The following RBFOX1 variants were observed in gnomAD, a reference collection of about 807,000 sequenced individuals.
RBFOX1 encodes the protein RNA binding fox-1 homolog 1, also known as RNA binding protein fox-1 homolog 1.
In RBFOX1, 8 loss-of-function variants were observed where a neutral mutation model predicts 57.7. That is an observed-to-expected ratio of 0.14 (90% CI 0.08 to 0.25). The LOEUF (loss-of-function observed/expected upper bound fraction) is 0.25, where lower values mean the gene tolerates loss of function less well. Ranked by LOEUF, RBFOX1 falls within the 10% of genes least tolerant of loss-of-function variation. RBFOX1 has a pLI of 1.00. For missense variants in RBFOX1, 611 were observed against 548.5 expected (o/e 1.11, Z -1.14); for synonymous variants, 326 against 222.4 (o/e 1.47, Z -4.15).
intron 2 of RBFOX1, among the ~76,000 whole-genome samples, chr16:6,371,853 A>G (rs1600229892): frequency 6.6e-6 from 1 of 152,246 alleles, no homozygotes; most frequent in East Asian, 1.9e-4. Flanking sequence ...TATCTAGGTT[A>G]AAATTTCCCT....
chr16:5,671,472 A>T (rs2050010357), intron 3 of RBFOX1, among the ~76,000 whole-genome samples: 1 of 152,224 alleles, frequency 6.6e-6, no homozygotes, highest in African/African-American at 2.4e-5. Context: ...TTTTTAGTGT[A>T]TGCGGTGCAT....
chr16:6,998,135 A>G (rs977949361), intron 3 of RBFOX1, among the ~76,000 whole-genome samples: 3 of 152,118 alleles, frequency 2.0e-5, no homozygotes, highest in African/African-American at 4.8e-5. Context: ...ATAATTATCT[A>G]TTTATTTATT....
chr16:6,918,434 A>G (rs56257619), intron 3 of RBFOX1, among the ~76,000 whole-genome samples: 35,696 of 152,122 alleles, frequency 0.23, 4,461 homozygotes, highest in Middle Eastern at 0.31. Context: ...AGCTATAGGA[A>G]GACTTCATAC....
intron 1 of RBFOX1, among the ~76,000 whole-genome samples, chr16:6,031,125 A>G (rs2095282584): frequency 6.6e-6 from 1 of 152,352 alleles, no homozygotes; most frequent in African/African-American, 2.4e-5. Flanking sequence ...CATCAGGGAA[A>G]TGTCTCCAAG....
chr16:6,808,178 G>GTA (rs71145298), intron 3 of RBFOX1, among the ~76,000 whole-genome samples: 6,069 of 145,378 alleles, frequency 0.042, 232 homozygotes, highest in Admixed American at 0.12. Context: ...GTGTGTGTGT[G>GTA]TATATATATA....
At chr16:6,476,964 C>A (rs538141633) in intron 2 of RBFOX1, among the ~76,000 whole-genome samples, 95 of 152,258 alleles carry the variant, frequency 6.2e-4, no homozygotes, top group Non-Finnish European at 1.0e-3. Context: ...ACCACTTTTT[C>A]TGCTGATCCA....
intron 2 of RBFOX1, among the ~76,000 whole-genome samples, chr16:6,582,091 G>T (rs1031634834): frequency 6.6e-6 from 1 of 152,070 alleles, no homozygotes; most frequent in East Asian, 1.9e-4. Context: ...AAGAATTATT[G>T]GGTTCAAAAT....
At chr16:7,683,850 A>AC (rs1491566469) in intron 14 of RBFOX1, among the ~76,000 whole-genome samples, 18 of 151,742 alleles carry the variant, frequency 1.2e-4, no homozygotes, top group East Asian at 7.8e-4. Flanking sequence ...CTAAAAAAAA[A>AC]CCTGCATTCT....
At chr16:7,698,050 C>G (rs549153027) in intron 14 of RBFOX1, among the ~76,000 whole-genome samples, 5 of 152,132 alleles carry the variant, frequency 3.3e-5, no homozygotes, top group African/African-American at 1.2e-4. Context: ...TTAAACAGGC[C>G]AAGTGTGTTC....
At chr16:7,090,721 C>T (rs774349679) in intron 4 of RBFOX1, among the ~76,000 whole-genome samples, 1 of 152,128 alleles carries the variant, frequency 6.6e-6, no homozygotes, top group African/African-American at 2.4e-5. Flanking sequence ...GGCTGACTTC[C>T]GGGCGGTTTT....
intron 1 of RBFOX1, among the ~76,000 whole-genome samples, chr16:6,200,656 C>G (rs1297213528): frequency 6.6e-6 from 1 of 152,112 alleles, no homozygotes; most frequent in Non-Finnish European, 1.5e-5. Context: ...TACATAAATA[C>G]TACAGGAGAG....
chr16:6,686,584 C>T (rs1352583095), intron 3 of RBFOX1, among the ~76,000 whole-genome samples: 2 of 152,148 alleles, frequency 1.3e-5, no homozygotes, highest in African/African-American at 4.8e-5. Context: ...ACACATTCTT[C>T]AATAGGGGTG....
At chr16:7,351,247 T>A (rs2097125163) in intron 4 of RBFOX1, among the ~76,000 whole-genome samples, 1 of 152,256 alleles carries the variant, frequency 6.6e-6, no homozygotes, top group Admixed American at 6.5e-5. Context: ...TTTACCTCTC[T>A]GAGCCTCAGT....
intron 10 of RBFOX1, among the ~76,000 whole-genome samples, chr16:7,623,111 G>C (rs1391703469): frequency 6.6e-6 from 1 of 152,042 alleles, no homozygotes; most frequent in South Asian, 2.1e-4. Context: ...ACTTTGTAGG[G>C]GACTCTCATT....
chr16:5,747,736 A>G (rs901275275), intron 3 of RBFOX1, among the ~76,000 whole-genome samples: 7 of 151,998 alleles, frequency 4.6e-5, no homozygotes, highest in African/African-American at 1.7e-4. Flanking sequence ...CTTTATCATT[A>G]TTTATTGTGT....
intron 2 of RBFOX1, among the ~76,000 whole-genome samples, chr16:6,584,338 TTCA>T (rs1212317248): frequency 5.1e-5 from 6 of 118,130 alleles, no homozygotes; most frequent in Non-Finnish European, 8.4e-5. Flanking sequence ...GTGTTTTATT[TTCA>T]TTATTATTAT....
intron 2 of RBFOX1, among the ~76,000 whole-genome samples, chr16:6,594,183 G>C (rs1392751698): frequency 6.6e-6 from 1 of 152,198 alleles, no homozygotes; most frequent in South Asian, 2.1e-4. Context: ...TGTCTAGTAA[G>C]AGTGTGAAGT....
intron 2 of RBFOX1, among the ~76,000 whole-genome samples, chr16:6,632,916 G>T (rs1313489761): frequency 6.6e-6 from 1 of 152,174 alleles, no homozygotes; most frequent in Non-Finnish European, 1.5e-5. Context: ...ATGGGAAATT[G>T]TAAGCCTTCG....
intron 3 of RBFOX1, among the ~76,000 whole-genome samples, chr16:6,960,935 C>T (rs544667544): frequency 1.4e-5 from 2 of 146,570 alleles, no homozygotes; most frequent in African/African-American, 5.1e-5. Context: ...GGAGACCAGC[C>T]TGGCCAACGT....
Sources: allele counts gnomAD v4.1 joint callset (sites outside exome capture counted in the v4.1 genomes callset), GRCh38; gene constraint gnomAD v4.1.1; transcripts MANE v1.5; gene names NCBI Gene and HGNC (gene_info 2026-07-23, HGNC 2026-07-21).